BAHCC1: variants seen among roughly 807,000 people sequenced by gnomAD.
The protein encoded by BAHCC1 is BAH and coiled-coil domain-containing protein 1.
In BAHCC1, 43 loss-of-function variants were observed where a neutral mutation model predicts 88.2. That is an observed-to-expected ratio of 0.49 (90% CI 0.38 to 0.63). BAHCC1 has a LOEUF of 0.63. Ranked by LOEUF, BAHCC1 falls within the 20% of genes least tolerant of loss-of-function variation. The pLI is 0.00. For missense variants in BAHCC1, 3,023 were observed against 1,654.8 expected, an observed-to-expected ratio of 1.83 and a Z score of -14.34; for synonymous variants, 1,510 against 745.5, an observed-to-expected ratio of 2.03 and a Z score of -16.71.
chr17:81,449,931 C>G (rs1034736784), intron 11 of BAHCC1, among the ~76,000 whole-genome samples: 2 of 152,194 alleles, frequency 1.3e-5, no homozygotes, highest in Non-Finnish European at 2.9e-5. Flanking sequence ...GTGCCCCAGC[C>G]TGGGCGCTCA....
intron 2 of BAHCC1, among the ~76,000 whole-genome samples, chr17:81,403,759 T>C (rs2063845453): frequency 6.6e-6 from 1 of 152,168 alleles, no homozygotes; most frequent in Non-Finnish European, 1.5e-5. Flanking sequence ...GCTCCATAAG[T>C]GACAGAGTTA....
At chr17:81,400,207 C>T (rs1438525621) in intron 2 of BAHCC1, among the ~76,000 whole-genome samples, 2 of 152,216 alleles carry the variant, frequency 1.3e-5, no homozygotes, top group African/African-American at 4.8e-5. Flanking sequence ...CCCCCGCCCC[C>T]TCCTGCAGAT....
chr17:81,412,262 G>A (rs2063963852), intron 2 of BAHCC1, among the ~76,000 whole-genome samples: 1 of 152,262 alleles, frequency 6.6e-6, no homozygotes, highest in Admixed American at 6.5e-5. Flanking sequence ...CTCTCTGAGA[G>A]TTTTCATATC....
At chr17:81,426,126 A>T (rs1803845295) in intron 2 of BAHCC1, among the ~76,000 whole-genome samples, 3 of 3,210 alleles carry the variant, frequency 9.3e-4, no homozygotes, top group Non-Finnish European at 1.6e-3. Flanking sequence ...TGGTGGTGAT[A>T]GTGGTTGGTG....
At position 81,411,474 on chromosome 17, in the gene BAHCC1, CCCTGCCTGCCTG is replaced by C. The variant is rs869057944; in HGVS notation, c.178+11589_178+11600del. On this transcript the variant is annotated intron_variant, in intron 2 of 27. Coordinates refer to ENST00000675386, the MANE Select transcript of BAHCC1 (RefSeq NM_001377448.1). The surrounding 1 kb of genome is among the most constrained non-coding windows in gnomAD (Gnocchi z 6.2). Reference sequence around the variant, plus strand: ...CCTTGAGGTCGTCAGCCAGCCCCACCCCTGCCTGCCTGCCTGCCTGCCTGCCTGCCTGCCTGC... The same window carrying C: ...CCTTGAGGTCGTCAGCCAGCCCCACCCCTGCCTGCCTGCCTGCCTGCCTGC... 5.5e-4 allele frequency: 138 copies of C among 251,784 alleles called. 2 individuals carry two copies. Among genetic ancestry groups the C allele is most frequent in the African/African-American group, 3.7e-3 (112 of 30,586 alleles). The allele number at this position is 251,784 out of a possible 1,614,324, so 15.6% of individuals were successfully genotyped here.
intron 2 of BAHCC1, chr17:81,413,056 G>A (rs186819995): frequency 2.2e-4 from 88 of 395,964 alleles, no homozygotes; most frequent in Admixed American, 7.6e-4. Flanking sequence ...TCCAGGTCCC[G>A]CCCACACCAA....
rs1158041392 is a variant in BAHCC1, at chr17:81,451,666, AGAG to A, written c.3981_3983del (p.Glu1329del). On this transcript the variant is annotated splice_acceptor_variant and coding_sequence_variant, in exon 12 of 28. Coordinates refer to ENST00000675386, the MANE Select transcript of BAHCC1 (RefSeq NM_001377448.1). LOFTEE classifies it high-confidence loss of function. ...CCATGCTGACCTTCCCATGCCGCAC[AGAG>A]GAGGAAGAGGACGTGCTAGCCTTCA... 5 of 774,834 alleles carry A rather than the reference AGAG, an allele frequency of 6.5e-6. No homozygotes were observed. Among genetic ancestry groups the A allele is most frequent in the Non-Finnish European group, 9.6e-6 (4 of 417,454 alleles). The allele number at this position is 774,834 out of a possible 1,614,324, so 48.0% of individuals were successfully genotyped here.
chr17:81,435,920 A>G lies in BAHCC1; in HGVS notation c.359-2450A>G, dbSNP rs1245986738. On this transcript the variant is annotated intron_variant, in intron 3 of 27. Transcript: ENST00000675386. This position sits in a 1 kb window ranked among gnomAD's most constrained non-coding sequence, Gnocchi z 4.4. The stretch of plus-strand genomic sequence containing the variant: ...CAGAACAGCTGCTCTGATTCATAAA[A>G]ATCATTTTTAAATTTTCTTTCTCAG... Among the ~76,000 whole-genome samples, 2 of 152,174 alleles carry G rather than the reference A, an allele frequency of 1.3e-5. No individual in the cohort carries two copies. Among genetic ancestry groups the G allele is most frequent in the African/African-American group, 2.4e-5 (1 of 41,442 alleles).
At chr17:81,443,623 C>G in intron 5 of BAHCC1, 59 bp downstream of exon 5, 1 of 621,900 alleles carries the variant, frequency 1.6e-6, no homozygotes, top group South Asian at 1.8e-5. Context: ...CCCAGCTGGC[C>G]CTGCCCTGCG....
In BAHCC1 at chr17:81,418,470, G is replaced by A. The variant is rs370779711; in HGVS notation, c.179-8330G>A. Among the ~76,000 whole-genome samples the A allele has an allele frequency of 4.6e-5, 7 of 152,280 alleles. No homozygotes were observed. In the South Asian group the frequency reaches 6.2e-4, roughly 14 times the overall value. On this transcript the variant is annotated intron_variant, in intron 2 of 27. Transcript: ENST00000675386. ...CAGGGTCTGGTTCCCATGCAGCAGT[G>A]GGCTGGGGGGCTGGAGCTGCAACTT...
In BAHCC1 at chr17:81,399,332, G is replaced by C. The variant is rs1391739326; in HGVS notation, c.-206-202G>C. The C allele has an allele frequency of 5.1e-6, 1 of 195,264 alleles. No homozygotes were observed. Among genetic ancestry groups the C allele is most frequent in the African/African-American group, 2.4e-5 (1 of 41,226 alleles). The allele number at this position is 195,264 out of a possible 1,614,324, so 12.1% of individuals were successfully genotyped here. A position where few individuals can be genotyped will look rare whatever the true frequency, so the allele number is the denominator to read the frequency against. On this transcript the variant is annotated intron_variant, in intron 1 of 27. Coordinates refer to ENST00000675386, the MANE Select transcript of BAHCC1 (RefSeq NM_001377448.1). This position sits in a 1 kb window ranked among gnomAD's most constrained non-coding sequence, Gnocchi z 4.5. ...AGCGTGGCCGGGACGGTGCGTGCGC[G>C]CGCGGGGCCCCGGGTGCTGGGCTGC...
chr17:81,435,057 G>A lies in BAHCC1; in HGVS notation c.359-3313G>A, dbSNP rs1318944362. Reference sequence around the variant, plus strand: ...GTCCCCAGCCCCCATTTCTCTGCACGGTGCCCTCCCACTCCTCTGTCCTTC... The same window carrying A: ...GTCCCCAGCCCCCATTTCTCTGCACAGTGCCCTCCCACTCCTCTGTCCTTC... On this transcript the variant is annotated intron_variant, in intron 3 of 27. Transcript: ENST00000675386. The surrounding 1 kb of genome is among the most constrained non-coding windows in gnomAD (Gnocchi z 4.4). Among the ~76,000 whole-genome samples the A allele has an allele frequency of 6.6e-6, 1 of 151,874 alleles. No individual in the cohort carries two copies. The highest frequency in any genetic ancestry group is 2.4e-5 in the African/African-American group (1 of 41,286).
chr17:81,438,394 G>A lies in BAHCC1; in HGVS notation c.383G>A (p.Gly128Glu). 1.3e-6 allele frequency: 1 copy of A among 778,826 alleles called. No individual in the cohort carries two copies. The highest frequency in any genetic ancestry group is 2.4e-5 in the East Asian group (1 of 41,232). 48.2% of individuals were successfully genotyped at this position (778,826 alleles called of 1,614,324 possible). Residue 128 changes from glycine (G) to glutamate (E), a missense_variant, in exon 4 of 28, where the codon GGG (glycine) becomes GAG (glutamate). Physicochemically the swap from Gly to Glu is moderately conservative, Grantham distance 98. Coordinates refer to ENST00000675386, the MANE Select transcript of BAHCC1 (RefSeq NM_001377448.1). ...HEAPGYPRFS[G>E]SLASTFLPVS... ...GCTCCGGGGTACCCCAGATTTTCGG[G>A]GAGTCTGGCATCCACCTTCCTACCC...
chr17:81,454,948 G>T (rs1292637678), intron 14 of BAHCC1, among the ~76,000 whole-genome samples: 1 of 152,230 alleles, frequency 6.6e-6, no homozygotes, highest in Non-Finnish European at 1.5e-5. Context: ...TTCCTATCAG[G>T]CTGGAAGGAT....
In BAHCC1 at chr17:81,459,594, C is replaced by T. The variant is rs782766439; in HGVS notation, c.5895C>T (p.Asn1965=). The T allele has an allele frequency of 2.3e-5, 18 of 779,570 alleles. No homozygotes were observed. The highest frequency in any genetic ancestry group is 2.2e-4 in the Middle Eastern group (1 of 4,464). 48.3% of individuals were successfully genotyped at this position (779,570 alleles called of 1,614,324 possible). ...AGTCTCGATGTCTGTACCCGGGCAA[C>T]GTGGTCCGGGGTAAGTTGCACCCAA... is the stretch of plus-strand genomic sequence containing the variant. ...SQKSRCLYPG[N]VVRGASGDED... The change falls in exon 23 of 28, where the codon AAC becomes AAT. Residue 1965 remains asparagine (N), a synonymous_variant. Coordinates refer to ENST00000675386, the MANE Select transcript of BAHCC1 (RefSeq NM_001377448.1).
At chr17:81,446,667 G>A (rs35114712) in intron 10 of BAHCC1, 2 of 387,570 alleles carry the variant, frequency 5.2e-6, no homozygotes, top group South Asian at 1.9e-5. Flanking sequence ...TCCCACCTCA[G>A]CCTCCTGTGT....
chr17:81,457,271 A>G, intron 16 of BAHCC1, 139 bp from the exon 17 acceptor site: 1 of 620,038 alleles, frequency 1.6e-6, no homozygotes, highest in Non-Finnish European at 2.9e-6. Context: ...AAGCAGCCCC[A>G]CAGAGCGGCC....
intron 2 of BAHCC1, among the ~76,000 whole-genome samples, chr17:81,426,162 G>T (rs1261377315): frequency 4.1e-5 from 6 of 144,752 alleles, no homozygotes; most frequent in Admixed American, 1.4e-4. Context: ...GATGTGGTTG[G>T]GGGTGATAGT....
intron 2 of BAHCC1, chr17:81,407,297 G>C (rs2063892852): frequency 1.9e-6 from 1 of 517,864 alleles, no homozygotes; most frequent in East Asian, 5.5e-5. Context: ...TGCCTTCTTG[G>C]GGTACCCCAC....
Sources: gnomAD v4.1 joint callset for allele counts (sites outside exome capture counted in the v4.1 genomes callset) on GRCh38, gnomAD v4.1.1 for gene constraint, Gnocchi (gnomAD v3.1) non-coding constraint, MANE v1.5 for transcripts, NCBI Gene and HGNC (gene_info 2026-07-23, HGNC 2026-07-21) for gene names.